Variants in MARCHF1 observed in about 807,000 individuals in gnomAD.
MARCHF1 encodes the protein E3 ubiquitin-protein ligase MARCHF1.
MARCHF1 carries 40 observed loss-of-function variants against 54.2 expected under a neutral mutation model. The observed-to-expected ratio is 0.74, with a 90% CI of 0.57 to 0.96. The LOEUF is 0.96. Among genes scored for constraint, MARCHF1 ranks in the 40% least tolerant of loss-of-function variants. MARCHF1 has a pLI of 0.00. For synonymous variants in MARCHF1, 236 were observed against 236.3 expected (o/e 1.00, Z 0.01); for missense variants, 586 against 656.5 (o/e 0.89, Z 1.17).
chr4:164,341,008 G>A (rs1219873844), intron 1 of MARCHF1, among the ~76,000 whole-genome samples: 3 of 151,448 alleles, frequency 2.0e-5, no homozygotes, highest in African/African-American at 7.3e-5. Flanking sequence ...GAATGCAACA[G>A]CACAATGTAA....
chr4:163,813,739 A>T (rs74348061), intron 4 of MARCHF1, among the ~76,000 whole-genome samples: 2 of 152,246 alleles, frequency 1.3e-5, no homozygotes, highest in African/African-American at 4.8e-5. Flanking sequence ...GTTTAAAAAA[A>T]CATTTCTAGC....
chr4:163,955,274 T>C (rs1339463943), intron 3 of MARCHF1, among the ~76,000 whole-genome samples: 2 of 125,226 alleles, frequency 1.6e-5, no homozygotes, highest in Non-Finnish European at 3.3e-5. Flanking sequence ...CAGTCCGGAG[T>C]AACTCTCCAG....
intron 3 of MARCHF1, among the ~76,000 whole-genome samples, chr4:163,970,919 T>C (rs1326588024): frequency 3.9e-5 from 6 of 152,196 alleles, no homozygotes; most frequent in African/African-American, 7.2e-5. Context: ...AAAACTTTAG[T>C]TGTCAACAGT....
intron 3 of MARCHF1, among the ~76,000 whole-genome samples, chr4:163,940,996 T>C (rs992294831): frequency 6.6e-6 from 1 of 152,106 alleles, no homozygotes; most frequent in Non-Finnish European, 1.5e-5. Context: ...AGGTATAAGG[T>C]ACAATATTGT....
intron 7 of MARCHF1, among the ~76,000 whole-genome samples, chr4:163,594,805 A>G (rs1274875816): frequency 6.6e-6 from 1 of 151,258 alleles, no homozygotes; most frequent in African/African-American, 2.5e-5. Flanking sequence ...CAAACAAGAT[A>G]AATGCTCCTG....
chr4:163,805,702 T>C (rs1411549995), intron 4 of MARCHF1, among the ~76,000 whole-genome samples: 2 of 152,206 alleles, frequency 1.3e-5, no homozygotes, highest in Admixed American at 6.5e-5. Flanking sequence ...TGTACCATAT[T>C]GCCTCTTTAA....
At chr4:164,189,986 C>T (rs749482965) in intron 1 of MARCHF1, 7 of 1,490,920 alleles carry the variant, frequency 4.7e-6, no homozygotes, top group Non-Finnish European at 6.6e-6. Context: ...CTGAAGAAAT[C>T]AAAAGGATGG....
intron 1 of MARCHF1, among the ~76,000 whole-genome samples, chr4:164,342,772 C>T (rs1729967427): frequency 2.0e-5 from 3 of 151,946 alleles, no homozygotes; most frequent in Admixed American, 2.0e-4. Flanking sequence ...CGCAAACACA[C>T]ACACACAAAA....
At chr4:164,100,945 C>T in intron 2 of MARCHF1, among the ~76,000 whole-genome samples, 1 of 152,212 alleles carries the variant, frequency 6.6e-6, no homozygotes. Flanking sequence ...CATTGCCTCA[C>T]TTGGGAAGCG....
At chr4:164,012,919 G>A (rs187232259) in intron 2 of MARCHF1, among the ~76,000 whole-genome samples, 2 of 152,120 alleles carry the variant, frequency 1.3e-5, no homozygotes, top group Admixed American at 6.5e-5. Flanking sequence ...CCCTCTCAAG[G>A]GTGCATATAA....
chr4:163,690,259 T>C (rs1744405800), intron 5 of MARCHF1, among the ~76,000 whole-genome samples: 1 of 152,218 alleles, frequency 6.6e-6, no homozygotes, highest in Non-Finnish European at 1.5e-5. Context: ...TGCTTTGACC[T>C]TGGACTTCCC....
intron 4 of MARCHF1, among the ~76,000 whole-genome samples, chr4:163,785,045 G>A (rs892696034): frequency 6.6e-6 from 1 of 152,054 alleles, no homozygotes; most frequent in Admixed American, 6.6e-5. Flanking sequence ...CTGCAGAATG[G>A]AGAAATGCGT....
chr4:164,226,608 T>C (rs1211587436), intron 1 of MARCHF1, among the ~76,000 whole-genome samples: 2 of 152,116 alleles, frequency 1.3e-5, no homozygotes, highest in Non-Finnish European at 2.9e-5. Flanking sequence ...TTTATATCCA[T>C]TTATATACAT....
chr4:163,847,943 G>A (rs896302549), intron 4 of MARCHF1, among the ~76,000 whole-genome samples: 5 of 152,102 alleles, frequency 3.3e-5, no homozygotes, highest in African/African-American at 7.2e-5. Context: ...TGCGTGTTGT[G>A]TATAAATAAC....
chr4:164,028,320 C>A (rs528213043), intron 2 of MARCHF1, among the ~76,000 whole-genome samples: 8 of 152,278 alleles, frequency 5.3e-5, no homozygotes, highest in African/African-American at 1.9e-4. Flanking sequence ...TGGGATCAAC[C>A]TATGTGCTCA....
At chr4:163,718,689 T>C (rs1228242565) in intron 4 of MARCHF1, among the ~76,000 whole-genome samples, 1 of 152,208 alleles carries the variant, frequency 6.6e-6, no homozygotes, top group African/African-American at 2.4e-5. Context: ...AGCCTTTTTT[T>C]TCCTTATACT....
intron 2 of MARCHF1, among the ~76,000 whole-genome samples, chr4:164,100,044 T>A (rs948965164): frequency 6.6e-6 from 1 of 152,126 alleles, no homozygotes; most frequent in African/African-American, 2.4e-5. Context: ...TGAATCTCTC[T>A]AACTGACAAG....
chr4:163,788,705 G>T (rs1438501896), intron 4 of MARCHF1, among the ~76,000 whole-genome samples: 1 of 151,966 alleles, frequency 6.6e-6, no homozygotes, highest in East Asian at 1.9e-4. Context: ...ATCAATAAGC[G>T]TATTACTGGT....
intron 1 of MARCHF1, among the ~76,000 whole-genome samples, chr4:164,141,236 C>A (rs1201707630): frequency 6.6e-6 from 1 of 152,146 alleles, no homozygotes; most frequent in South Asian, 2.1e-4. Flanking sequence ...AGGATGGGGG[C>A]TTCTAGAACT....
Sources: allele counts gnomAD v4.1 joint callset (sites outside exome capture counted in the v4.1 genomes callset), GRCh38; gene constraint gnomAD v4.1.1; transcripts MANE v1.5; gene names NCBI Gene and HGNC (gene_info 2026-07-23, HGNC 2026-07-21).